Variants in ISL2 observed in about 807,000 individuals in gnomAD.
ISL2 encodes ISL LIM homeobox 2, also known as insulin gene enhancer protein ISL-2.
Under a neutral mutation model 34.6 loss-of-function variants are expected in ISL2, and 17 were observed. The observed-to-expected ratio is 0.49, with a 90% CI of 0.34 to 0.74. The LOEUF is 0.74. Among genes scored for constraint, ISL2 ranks in the 30% least tolerant of loss-of-function variants. The pLI is 0.01. For synonymous variants in ISL2, 232 were observed against 225.5 expected (o/e 1.03, Z -0.26); for missense variants, 469 against 515.2 (o/e 0.91, Z 0.87).
intron 5 of ISL2, 104 bp from the exon 6 acceptor site, chr15:76,341,615 C>A: frequency 1.1e-6 from 1 of 886,976 alleles, no homozygotes; most frequent in Non-Finnish European, 1.9e-6. Context: ...TCTCAGCTGG[C>A]GGCCGGTCCC....
intron 3 of ISL2, chr15:76,339,469 A>G: frequency 1.0e-6 from 1 of 985,456 alleles, no homozygotes; most frequent in South Asian, 4.7e-5. Context: ...TATTCAGTGC[A>G]CCCCCATCTG....
intron 3 of ISL2, chr15:76,338,897 T>C: frequency 1.0e-6 from 1 of 985,400 alleles, no homozygotes; most frequent in Non-Finnish European, 1.2e-6. Context: ...GGGTAAGGTT[T>C]GCCCAGGGGT....
At chr15:76,340,962 C>T (rs1004864055) in intron 4 of ISL2, among the ~76,000 whole-genome samples, 172 bp from the exon 5 acceptor site, 3 of 152,374 alleles carry the variant, frequency 2.0e-5, no homozygotes, top group South Asian at 2.1e-4. Flanking sequence ...AAGTTTGCGG[C>T]CCCCGCAGAT....
intron 4 of ISL2, 56 bp downstream of exon 4, chr15:76,340,615 G>A (rs1264633139): frequency 1.3e-6 from 2 of 1,538,724 alleles, no homozygotes; most frequent in East Asian, 2.3e-5. Flanking sequence ...CTTCCGCCGC[G>A]GTATCTGCGT....
At chr15:76,339,456 G>C (rs874224) in intron 3 of ISL2, 109,902 of 985,328 alleles carry the variant, frequency 0.11, 6,699 homozygotes, top group African/African-American at 0.22. Flanking sequence ...GGGAGCAAGC[G>C]GGTATTCAGT....
Position 76,341,267 on chromosome 15 carries a change from A to C in ISL2, c.929A>C (p.Gln310Pro), listed in dbSNP as rs760988477. The change falls in exon 5 of 6, where the codon CAG becomes CCG. Residue 310 changes from glutamine (Q) to proline (P), a missense_variant. Transcript: ENST00000290759. ...AAGGCGCTCAGCGAGTTTGCCCTCC[A>C]GAGCGACCTGGACCAACCCGCCTTC... Reference protein sequence around the residue: ...PWKALSEFALQSDLDQPAFQQ... With the variant: ...PWKALSEFALPSDLDQPAFQQ... The C allele has an allele frequency of 1.2e-6, 2 of 1,609,022 alleles. No homozygotes were observed. Among genetic ancestry groups the C allele is most frequent in the Admixed American group, 3.4e-5 (2 of 59,542 alleles).
Position 76,341,223 on chromosome 15 carries a change from G to T in ISL2, c.885G>T (p.Gln295His). The change falls in exon 5 of 6, where the codon CAG becomes CAT. Residue 295 changes from glutamine to histidine, a missense_variant. Transcript: ENST00000290759. ...NAVQGSAVEV[Q>H]TYQPPWKALS... Reference sequence around the variant, plus strand: ...TGCAGGGCAGCGCAGTGGAGGTGCAGACGTACCAGCCGCCGTGGAAGGCGC... The same window carrying T: ...TGCAGGGCAGCGCAGTGGAGGTGCATACGTACCAGCCGCCGTGGAAGGCGC... The T allele has an allele frequency of 1.9e-6, 3 of 1,612,102 alleles. No individual in the cohort carries two copies. The highest frequency in any genetic ancestry group is 2.5e-6 in the Non-Finnish European group (3 of 1,179,570).
In ISL2 at chr15:76,339,149, C is replaced by T. The variant is rs142512669; in HGVS notation, c.511+635C>T. On this transcript the variant is annotated intron_variant, in intron 3 of 5. Coordinates refer to ENST00000290759, the MANE Select transcript of ISL2 (RefSeq NM_145805.3). ...GGTCTGAGTGTATAATGGGCAGGTA[C>T]GGCTGAACAGAAACAGAGGTGCCTC... 8.1e-6 allele frequency: 8 copies of T among 985,356 alleles called. No individual in the cohort carries two copies. The South Asian group carries it at 1.4e-4, about 17-fold the overall frequency. 61.0% of individuals were successfully genotyped at this position (985,356 alleles called of 1,614,324 possible). A position where few individuals can be genotyped will look rare whatever the true frequency, so the allele number is the denominator to read the frequency against.
In ISL2 at chr15:76,337,831, T is replaced by A; in HGVS notation, c.112T>A (p.Phe38Ile). Residue 38 changes from phenylalanine (F) to isoleucine (I), a missense_variant, in exon 2 of 6, where the codon TTT becomes ATT. Phe to Ile is a conservative substitution (Grantham distance 21). Coordinates refer to ENST00000290759, the MANE Select transcript of ISL2 (RefSeq NM_145805.3). ...VGCGSQIHDQFILRVSPDLEW... is the reference protein window; with the variant it reads ...VGCGSQIHDQIILRVSPDLEW... ...CTGCGGGAGTCAGATCCACGACCAG[T>A]TTATCCTGCGGGTGTCGCCCGACCT... 1 of 1,611,954 alleles carries A rather than the reference T, an allele frequency of 6.2e-7. No homozygotes were observed. Among genetic ancestry groups the A allele is most frequent in the Non-Finnish European group, 8.5e-7 (1 of 1,179,296 alleles).
chr15:76,341,910 A>G lies in ISL2; in HGVS notation c.*75A>G. On this transcript the variant is annotated 3_prime_UTR_variant, in exon 6 of 6. Transcript: ENST00000290759. The stretch of plus-strand genomic sequence containing the variant: ...GACTCACCCATGCTCAGGCCATTCC[A>G]GTTCCGAAAGCTCTCTCGCCTTCGT... 1 of 919,982 alleles carries G rather than the reference A, an allele frequency of 1.1e-6. No homozygotes were observed. Among genetic ancestry groups the G allele is most frequent in the Non-Finnish European group, 1.8e-6 (1 of 557,886 alleles). 57.0% of individuals were successfully genotyped at this position (919,982 alleles called of 1,614,324 possible). A position where few individuals can be genotyped will look rare whatever the true frequency, so the allele number is the denominator to read the frequency against.
chr15:76,337,430 C>T (rs2040158982), intron 1 of ISL2: 1 of 335,386 alleles, frequency 3.0e-6, no homozygotes, highest in Admixed American at 4.8e-5. Context: ...AGGACAGCAC[C>T]GTTAGGTGTT....
intron 2 of ISL2, 30 bp downstream of exon 2, chr15:76,337,997 A>G (rs1356216445): frequency 2.6e-6 from 4 of 1,527,832 alleles, no homozygotes; most frequent in Non-Finnish European, 8.8e-7. Flanking sequence ...GGGCTGGGCC[A>G]CCGCGCGCAG....
chr15:76,337,003 T>C (rs1596239365), intron 1 of ISL2, 62 bp downstream of exon 1: 2 of 1,448,012 alleles, frequency 1.4e-6, no homozygotes, highest in Non-Finnish European at 9.7e-7. Context: ...GCAAAATTTC[T>C]AATGCAGAAA....
intron 5 of ISL2, 41 bp from the exon 6 acceptor site, chr15:76,341,678 G>C (rs1046237515): frequency 4.9e-6 from 7 of 1,420,624 alleles, no homozygotes; most frequent in African/African-American, 4.2e-5. Flanking sequence ...CAGCTCGCGT[G>C]CCTCTTCACC....
chr15:76,340,594 T>A, intron 4 of ISL2, 35 bp downstream of exon 4: 3 of 1,581,428 alleles, frequency 1.9e-6, no homozygotes, highest in Non-Finnish European at 2.6e-6. Flanking sequence ...TCGAGTCGGG[T>A]GGGGGCTGCG....
chr15:76,340,766 T>C (rs1369206357), intron 4 of ISL2, among the ~76,000 whole-genome samples: 5 of 152,218 alleles, frequency 3.3e-5, no homozygotes, highest in Non-Finnish European at 7.3e-5. Context: ...CTTGTCCCAG[T>C]GGCAGCCCCG....
intron 3 of ISL2, chr15:76,338,910 G>T (rs777809191): frequency 2.9e-4 from 288 of 985,316 alleles, no homozygotes; most frequent in Non-Finnish European, 3.2e-4. Context: ...CCAGGGGTAT[G>T]TGTGTAAGTA....
chr15:76,340,172 A>G (rs1246517284), intron 3 of ISL2, 104 bp from the exon 4 acceptor site: 16 of 1,435,312 alleles, frequency 1.1e-5, no homozygotes, highest in Non-Finnish European at 1.4e-5. Flanking sequence ...AGAATAAAAC[A>G]GAAACGAAAT....
intron 3 of ISL2, chr15:76,339,465 G>C: frequency 1.0e-6 from 1 of 985,666 alleles, no homozygotes; most frequent in Non-Finnish European, 1.2e-6. Flanking sequence ...CGGGTATTCA[G>C]TGCACCCCCA....
Sources: gnomAD v4.1 joint callset for allele counts (sites outside exome capture counted in the v4.1 genomes callset) on GRCh38, gnomAD v4.1.1 for gene constraint, MANE v1.5 for transcripts, NCBI Gene and HGNC (gene_info 2026-07-23, HGNC 2026-07-21) for gene names.